The following CDK14 variants were observed in gnomAD, a reference collection of about 807,000 sequenced individuals.
CDK14 encodes cyclin dependent kinase 14.
A neutral mutation model predicts 60.7 loss-of-function variants in CDK14; 34 were observed. The ratio of observed to expected loss-of-function variants is 0.56; its 90% CI spans 0.43 to 0.75. The LOEUF is 0.75. Ranked by LOEUF, CDK14 falls within the 30% of genes least tolerant of loss-of-function variation. The probability of loss-of-function intolerance (pLI) is 0.00; values close to 1 mark genes in which losing one functional copy is unlikely to be tolerated. For missense variants in CDK14, 482 were observed against 564.1 expected (o/e 0.85, Z 1.47); for synonymous variants, 197 against 203.7 (o/e 0.97, Z 0.28).
chr7:90,613,733 A>G (rs1428694840), intron 2 of CDK14, among the ~76,000 whole-genome samples: 2 of 152,126 alleles, frequency 1.3e-5, no homozygotes, highest in African/African-American at 4.8e-5. Context: ...TGACGTAGGA[A>G]GTCTTTCTGT....
chr7:90,666,283 A>G (rs1314899622), intron 2 of CDK14: 3 of 152,228 alleles, frequency 2.0e-5, no homozygotes, highest in African/African-American at 4.8e-5. Context: ...ACAGTATTTC[A>G]TAAACTCTGG....
At chr7:90,634,749 A>G (rs1190066849) in intron 2 of CDK14, among the ~76,000 whole-genome samples, 2 of 151,932 alleles carry the variant, frequency 1.3e-5, no homozygotes, top group East Asian at 1.9e-4. Context: ...AGTCCCACCA[A>G]CAGTGTAAAA....
At chr7:90,854,697 C>T (rs2117192226) in intron 5 of CDK14, among the ~76,000 whole-genome samples, 2 of 150,268 alleles carry the variant, frequency 1.3e-5, no homozygotes, top group East Asian at 3.9e-4. Flanking sequence ...CTCTTGTTAA[C>T]TGTACATGTA....
rs529240015 is a variant in CDK14, at chr7:90,865,814, T to A, written c.639+2545T>A. On this transcript the variant is annotated intron_variant, in intron 6 of 14. Transcript: ENST00000380050. ...CTCAACAGCCTCATGGAACTGTAAA[T>A]ACCATCATTTTGCAAAGGAAAAACC... Among the ~76,000 whole-genome samples the A allele has an allele frequency of 2.6e-5, 4 of 152,272 alleles. No individual in the cohort carries two copies. In the South Asian group the frequency reaches 6.2e-4, roughly 24 times the overall value.
chr7:90,671,930 AT>A (rs1309509012), intron 2 of CDK14, among the ~76,000 whole-genome samples: 13 of 152,220 alleles, frequency 8.5e-5, no homozygotes. Flanking sequence ...ATTCTGCTCC[AT>A]TTGGAGTCTA....
intron 5 of CDK14, among the ~76,000 whole-genome samples, chr7:90,846,354 G>T (rs1459085500): frequency 6.6e-6 from 1 of 152,126 alleles, no homozygotes; most frequent in African/African-American, 2.4e-5. Flanking sequence ...ACAAAGATCT[G>T]CTGTAATAAA....
At chr7:91,029,369 T>G (rs987264368) in intron 10 of CDK14, among the ~76,000 whole-genome samples, 1 of 152,180 alleles carries the variant, frequency 6.6e-6, no homozygotes, top group Non-Finnish European at 1.5e-5. Context: ...ATATTGATCA[T>G]TTGATAGGAA....
intron 5 of CDK14, among the ~76,000 whole-genome samples, chr7:90,852,327 T>C (rs1004168131): frequency 6.6e-6 from 1 of 152,244 alleles, no homozygotes; most frequent in Non-Finnish European, 1.5e-5. Context: ...TTTTGCTATA[T>C]GTAACTTTGC....
chr7:90,892,539 GTTAT>G lies in CDK14; in HGVS notation c.640-6749_640-6746del, dbSNP rs1792167577. 5.3e-5 allele frequency among the ~76,000 whole-genome samples: 8 copies of G among 152,110 alleles called. No homozygotes were observed. The South Asian group carries it at 1.7e-3, about 32-fold the overall frequency. ...TCCATGTTCTGTCTTTTAACAAGGG[GTTAT>G]TTTTCTCTTGCTTTTTATATTGATC... is the stretch of plus-strand genomic sequence containing the variant. On this transcript the variant is annotated intron_variant, in intron 6 of 14. Transcript: ENST00000380050.
chr7:90,603,826 G>A (rs749708436), intron 1 of CDK14, among the ~76,000 whole-genome samples: 5 of 152,144 alleles, frequency 3.3e-5, no homozygotes, highest in African/African-American at 9.7e-5. Flanking sequence ...TGCAAAGAAG[G>A]TGTCATCCTA....
At chr7:91,164,663 C>T (rs955018822) in intron 14 of CDK14, among the ~76,000 whole-genome samples, 5 of 152,112 alleles carry the variant, frequency 3.3e-5, no homozygotes, top group South Asian at 2.1e-4. Context: ...GCAGCTGGCC[C>T]GAAATACAAA....
At chr7:91,088,465 TTC>T (rs1353659285) in intron 12 of CDK14, among the ~76,000 whole-genome samples, 1 of 152,188 alleles carries the variant, frequency 6.6e-6, no homozygotes, top group Non-Finnish European at 1.5e-5. Flanking sequence ...ACAATTATTT[TTC>T]TGTCTTCTCT....
chr7:90,874,209 A>G (rs1025377365), intron 6 of CDK14, among the ~76,000 whole-genome samples: 34 of 152,034 alleles, frequency 2.2e-4, no homozygotes, highest in African/African-American at 7.7e-4. Context: ...GCTTCCTGGG[A>G]AAGGGTGTGT....
chr7:91,053,616 C>T (rs1024135171), intron 11 of CDK14, among the ~76,000 whole-genome samples: 3 of 152,198 alleles, frequency 2.0e-5, no homozygotes, highest in Non-Finnish European at 4.4e-5. Flanking sequence ...GATGTTTAGT[C>T]TCAGATGTGT....
chr7:90,635,453 G>T (rs1369736469), intron 2 of CDK14, among the ~76,000 whole-genome samples: 1 of 152,112 alleles, frequency 6.6e-6, no homozygotes, highest in African/African-American at 2.4e-5. Context: ...TAGATATGTG[G>T]TGTTATTTCT....
rs573985105 is a variant in CDK14 at position 90,630,204 on chromosome 7, TGGG to T, written c.123+25958_123+25960del. On this transcript the variant is annotated intron_variant, in intron 2 of 14. Coordinates refer to ENST00000380050, the MANE Select transcript of CDK14 (RefSeq NM_001287135.2). ...ACATACAGTCATGCATCACTAATGA[TGGG>T]GGCACATTCTGAGAAATGTGTCATG... Among the ~76,000 whole-genome samples the T allele has an allele frequency of 1.6e-3, 248 of 152,316 alleles. 1 individual carries two copies. The highest frequency in any genetic ancestry group is 5.7e-3 in the African/African-American group (235 of 41,574).
At position 91,027,593 on chromosome 7, in the gene CDK14, T is replaced by C. The variant is rs1227216981; in HGVS notation, c.1042-18304T>C. 2.0e-5 allele frequency among the ~76,000 whole-genome samples: 3 copies of C among 152,152 alleles called. No homozygotes were observed. The South Asian group carries it at 6.2e-4, about 31-fold the overall frequency. On this transcript the variant is annotated intron_variant, in intron 10 of 14. Transcript: ENST00000380050. ...TAGCCCATTTGTAGGTGAAAGTCTG[T>C]ACTATTGTATGTCAGTTGCCAAAAG...
At chr7:91,109,064 T>C (rs1799399528) in intron 12 of CDK14, among the ~76,000 whole-genome samples, 1 of 152,102 alleles carries the variant, frequency 6.6e-6, no homozygotes, top group Non-Finnish European at 1.5e-5. Context: ...AATCTTGTAA[T>C]TTTTTCCCAT....
chr7:90,915,278 T>C (rs1793042198), intron 7 of CDK14, among the ~76,000 whole-genome samples: 1 of 151,972 alleles, frequency 6.6e-6, no homozygotes, highest in South Asian at 2.1e-4. Context: ...CTACTAAAAA[T>C]AATACAAAAA....
Sources: gnomAD v4.1 joint callset for allele counts (sites outside exome capture counted in the v4.1 genomes callset) on GRCh38, gnomAD v4.1.1 for gene constraint, MANE v1.5 for transcripts, NCBI Gene and HGNC (gene_info 2026-07-23, HGNC 2026-07-21) for gene names.